UACA: variants seen among roughly 807,000 people sequenced by gnomAD.
The protein encoded by UACA is nuclear membrane binding protein.
Under a neutral mutation model 160.5 loss-of-function variants are expected in UACA, and 112 were observed. The ratio of observed to expected loss-of-function variants is 0.70; its 90% CI spans 0.60 to 0.82. UACA has a LOEUF of 0.82. Among genes scored for constraint, UACA ranks in the 40% least tolerant of loss-of-function variants. UACA has a pLI of 0.00. For missense variants in UACA, 1,574 were observed against 1,614.6 expected, an observed-to-expected ratio of 0.97 and a Z score of 0.43; for synonymous variants, 557 against 568.4, an observed-to-expected ratio of 0.98 and a Z score of 0.29.
At chr15:70,740,466 A>T (rs78532593) in intron 1 of UACA, among the ~76,000 whole-genome samples, 15 of 130,888 alleles carry the variant, frequency 1.1e-4, no homozygotes, top group African/African-American at 4.3e-4. Context: ...AAAAAAAAAA[A>T]TTCAATCTAT....
At chr15:70,727,506 A>G (rs1899184365) in intron 1 of UACA, among the ~76,000 whole-genome samples, 1 of 152,202 alleles carries the variant, frequency 6.6e-6, no homozygotes, top group South Asian at 2.1e-4. Flanking sequence ...TTTTAAATAG[A>G]CATTTTTATT....
chr15:70,668,154 G>A lies in UACA; in HGVS notation c.2530C>T (p.Leu844Phe). 6.2e-7 allele frequency: 1 copy of A among 1,613,128 alleles called. No homozygotes were observed. Among genetic ancestry groups the A allele is most frequent in the African/African-American group, 1.3e-5 (1 of 74,968 alleles). ...TTCAAGTTAGTGTTTTCAGATGTGA[G>A]AGCGTGTATTTTCTCCTGGTCTTCA... ...CGEDQEKIHA[L>F]TSENTNLKKM... is the part of the protein sequence containing the mutation. The change falls in exon 16 of 19, where the codon CTC becomes TTC. Residue 844 changes from leucine to phenylalanine, a missense_variant. By Grantham distance (22) the Leu-to-Phe change is conservative. Transcript: ENST00000322954.
At position 70,679,402 on chromosome 15, in the gene UACA, C is replaced by CTAAATAAATAAATAAA. The variant is rs57970349; in HGVS notation, c.891+190_891+205dup. Among the ~76,000 whole-genome samples the CTAAATAAATAAATAAA allele has an allele frequency of 9.2e-3, 1,238 of 134,056 alleles. 11 individuals are homozygous for CTAAATAAATAAATAAA. Among genetic ancestry groups the CTAAATAAATAAATAAA allele is most frequent in the Admixed American group, 0.011 (145 of 12,968 alleles). The allele number at this position is 134,056 out of a possible 152,430, so 87.9% of individuals were successfully genotyped here. On this transcript the variant is annotated intron_variant, in intron 10 of 18. Coordinates refer to ENST00000322954, the MANE Select transcript of UACA (RefSeq NM_018003.4). ...TGGGCAACAGAGCCAGACCCCATCT[C>CTAAATAAATAAATAAA]TAAATAAATAAATAAATAAATAAAT... is the stretch of plus-strand genomic sequence containing the variant.
chr15:70,736,462 TCTCA>T (rs1245884032), intron 1 of UACA, among the ~76,000 whole-genome samples: 2 of 151,628 alleles, frequency 1.3e-5, no homozygotes, highest in African/African-American at 4.9e-5. Context: ...TGGGATGGAG[TCTCA>T]CTCTGCCGCC....
In UACA at chr15:70,658,840, T is replaced by A. The variant is rs552755091; in HGVS notation, c.4179+1311A>T. ...TTTACATTTCAAACATTAGCCATAGTTGACTGAACTGAATTTCTTAGTTAA... is the reference window on the plus strand; with the variant it reads ...TTTACATTTCAAACATTAGCCATAGATGACTGAACTGAATTTCTTAGTTAA... On this transcript the variant is annotated intron_variant, in intron 18 of 18. Transcript: ENST00000322954. 2.0e-5 allele frequency among the ~76,000 whole-genome samples: 3 copies of A among 152,376 alleles called. No individual in the cohort carries two copies. In the East Asian group the frequency reaches 5.8e-4, roughly 29 times the overall value.
rs569127233 is a variant in UACA, at chr15:70,761,587, A to G, written c.78+1743T>C. Among the ~76,000 whole-genome samples, 6 of 152,348 alleles carry G rather than the reference A, an allele frequency of 3.9e-5. 1 individual carries two copies. The South Asian group carries it at 1.0e-3, about 26-fold the overall frequency. On this transcript the variant is annotated intron_variant, in intron 1 of 18. Coordinates refer to ENST00000322954, the MANE Select transcript of UACA (RefSeq NM_018003.4). Reference sequence around the variant, plus strand: ...TTTATTTTAAAATTTTACAGAATTCATTCTAAGTTTTATTCCTCATTACGC... The same window carrying G: ...TTTATTTTAAAATTTTACAGAATTCGTTCTAAGTTTTATTCCTCATTACGC...
chr15:70,773,175 G>A, the UACA span, among the ~76,000 whole-genome samples: 1 of 152,080 alleles, frequency 6.6e-6, no homozygotes. Context: ...AGGAGAGGAT[G>A]GTTTTTCAAA....
chr15:70,693,333 A>G (rs1898007512), intron 3 of UACA, among the ~76,000 whole-genome samples: 1 of 152,196 alleles, frequency 6.6e-6, no homozygotes, highest in Non-Finnish European at 1.5e-5. Flanking sequence ...ACAGGTGCAT[A>G]CCTGGTAAGA....
chr15:70,716,736 T>A (rs1270336152), intron 1 of UACA, among the ~76,000 whole-genome samples: 2 of 152,200 alleles, frequency 1.3e-5, no homozygotes, highest in African/African-American at 4.8e-5. Context: ...ATTATGCTGA[T>A]AAAATTTTAT....
intron 18 of UACA, 72 bp from the exon 19 acceptor site, chr15:70,657,199 C>G (rs1285110421): frequency 2.4e-6 from 3 of 1,250,180 alleles, no homozygotes; most frequent in Admixed American, 3.5e-5. Context: ...AAAGATAAAG[C>G]TTTTACAGAG....
chr15:70,712,698 G>T (rs1442537914), intron 1 of UACA, among the ~76,000 whole-genome samples: 1 of 152,072 alleles, frequency 6.6e-6, no homozygotes, highest in East Asian at 1.9e-4. Context: ...GGAGATTAGG[G>T]GATTTGGTCT....
At chr15:70,710,377 A>G (rs1368117800) in intron 1 of UACA, among the ~76,000 whole-genome samples, 1 of 152,204 alleles carries the variant, frequency 6.6e-6, no homozygotes, top group Non-Finnish European at 1.5e-5. Context: ...CAACTCTCAC[A>G]CTCACCACAA....
the UACA span, among the ~76,000 whole-genome samples, chr15:70,771,101 G>A: frequency 1.3e-5 from 2 of 152,332 alleles, no homozygotes; most frequent in East Asian, 3.9e-4. Context: ...ATGCCAGAAT[G>A]TTAACACTTT....
intron 1 of UACA, among the ~76,000 whole-genome samples, chr15:70,702,649 G>A (rs1230428729): frequency 6.6e-6 from 1 of 152,154 alleles, no homozygotes; most frequent in East Asian, 1.9e-4. Flanking sequence ...CTGACAAACA[G>A]AATATAAAAT....
intron 1 of UACA, among the ~76,000 whole-genome samples, chr15:70,743,806 A>G (rs1899610494): frequency 6.6e-6 from 1 of 152,172 alleles, no homozygotes; most frequent in Non-Finnish European, 1.5e-5. Context: ...TGCCTGGAAA[A>G]GCCAAAAGCA....
intron 1 of UACA, among the ~76,000 whole-genome samples, chr15:70,716,346 C>T (rs986220573): frequency 2.6e-5 from 4 of 152,184 alleles, no homozygotes; most frequent in Non-Finnish European, 5.9e-5. Flanking sequence ...AGCCACCAGA[C>T]GACTGCAGCC....
At chr15:70,729,766 T>C (rs530446034) in intron 1 of UACA, among the ~76,000 whole-genome samples, 4 of 141,838 alleles carry the variant, frequency 2.8e-5, no homozygotes, top group Admixed American at 6.8e-5. Context: ...AAGAGAGCAG[T>C]GGTTCTCCCA....
chr15:70,716,587 T>C (rs1308696697), intron 1 of UACA, among the ~76,000 whole-genome samples: 2 of 152,238 alleles, frequency 1.3e-5, no homozygotes, highest in Non-Finnish European at 2.9e-5. Context: ...AATTCAATTT[T>C]ATAGATATAA....
intron 1 of UACA, among the ~76,000 whole-genome samples, chr15:70,735,147 T>TAAAAAAAA (rs1555415817): frequency 3.2e-4 from 1 of 3,100 alleles, no homozygotes; most frequent in Admixed American, 8.9e-3. Flanking sequence ...TAGAGTATAA[T>TAAAAAAAA]AAAAAAAAAA....
Sources: allele counts gnomAD v4.1 joint callset (sites outside exome capture counted in the v4.1 genomes callset), GRCh38; gene constraint gnomAD v4.1.1; transcripts MANE v1.5; gene names NCBI Gene and HGNC (gene_info 2026-07-23, HGNC 2026-07-21).